WASF1: variants seen among roughly 807,000 people sequenced by gnomAD.
WASF1 encodes the protein WASP family member 1, also known as actin-binding protein WASF1.
A neutral mutation model predicts 50.5 loss-of-function variants in WASF1; 7 were observed. The ratio of observed to expected loss-of-function variants is 0.14; its 90% confidence interval spans 0.08 to 0.26. The LOEUF is 0.26. WASF1 is among the 10% of genes least tolerant of loss of function. The probability of loss-of-function intolerance (pLI) is 1.00; values close to 1 mark genes in which losing one functional copy is unlikely to be tolerated. For synonymous variants in WASF1, 205 were observed against 244.0 expected (o/e 0.84, Z 1.49); for missense variants, 470 against 694.7 (o/e 0.68, Z 3.64).
At chr6:110,158,936 T>C (rs1282952567) in intron 3 of WASF1, among the ~76,000 whole-genome samples, 1 of 151,816 alleles carries the variant, frequency 6.6e-6, no homozygotes, top group Non-Finnish European at 1.5e-5. Context: ...AGTTCTATTT[T>C]TCTATGCTAG....
At chr6:110,174,289 T>C (rs1240092690) in intron 2 of WASF1, among the ~76,000 whole-genome samples, 1 of 152,140 alleles carries the variant, frequency 6.6e-6, no homozygotes, top group Non-Finnish European at 1.5e-5. Flanking sequence ...CCAAAATTTC[T>C]AAGTACAAAT....
At chr6:110,123,501 G>C (rs760272578) in intron 4 of WASF1, among the ~76,000 whole-genome samples, 1 of 152,194 alleles carries the variant, frequency 6.6e-6, no homozygotes, top group African/African-American at 2.4e-5. Context: ...CAATTTAATA[G>C]ATAAGTCCTA....
At chr6:110,176,408 G>C (rs922943296) in intron 2 of WASF1, among the ~76,000 whole-genome samples, 1 of 151,594 alleles carries the variant, frequency 6.6e-6, no homozygotes, top group African/African-American at 2.4e-5. Flanking sequence ...ATAAATCAAA[G>C]ACTACTAACA....
intron 2 of WASF1, among the ~76,000 whole-genome samples, chr6:110,164,682 G>A (rs1473432420): frequency 2.6e-5 from 4 of 151,526 alleles, no homozygotes; most frequent in Admixed American, 2.6e-4. Context: ...ATACAATCCA[G>A]CAAAAACATT....
chr6:110,122,530 C>G (rs1774187122), intron 4 of WASF1, among the ~76,000 whole-genome samples: 1 of 152,196 alleles, frequency 6.6e-6, no homozygotes, highest in African/African-American at 2.4e-5. Context: ...CTCTCTGCCT[C>G]TGCTACTCCT....
At chr6:110,125,298 G>C (rs560538017) in intron 4 of WASF1, among the ~76,000 whole-genome samples, 2 of 152,194 alleles carry the variant, frequency 1.3e-5, no homozygotes, top group Non-Finnish European at 2.9e-5. Flanking sequence ...AATGTATAAG[G>C]ATATTTGCTT....
chr6:110,105,945 A>T (rs1166156325), intron 7 of WASF1, among the ~76,000 whole-genome samples: 3 of 152,206 alleles, frequency 2.0e-5, no homozygotes, highest in Admixed American at 6.5e-5. Context: ...GTCTGCCCCT[A>T]ATCAAAACGT....
intron 4 of WASF1, among the ~76,000 whole-genome samples, chr6:110,124,274 C>CTCTCTCTCTATA (rs1331534646): frequency 3.4e-4 from 7 of 20,504 alleles, no homozygotes; most frequent in Non-Finnish European, 4.6e-4. Flanking sequence ...CTCTCTCTCT[C>CTCTCTCTCTATA]TATATATATA....
intron 10 of WASF1, 55 bp from the exon 11 acceptor site, chr6:110,100,734 T>C: frequency 5.0e-6 from 7 of 1,413,386 alleles, no homozygotes; most frequent in Non-Finnish European, 6.5e-6. Flanking sequence ...ATACTAGATA[T>C]TATTAATATT....
At chr6:110,136,767 AGTTT>A (rs1243127971) in intron 3 of WASF1, among the ~76,000 whole-genome samples, 15 of 152,088 alleles carry the variant, frequency 9.9e-5, no homozygotes, top group Admixed American at 8.5e-4. Context: ...TCTTTAACTT[AGTTT>A]GTTAATATCT....
chr6:110,141,905 G>C (rs913270966), intron 3 of WASF1, among the ~76,000 whole-genome samples: 1 of 151,934 alleles, frequency 6.6e-6, no homozygotes, highest in Non-Finnish European at 1.5e-5. Context: ...CTGAGTAGCT[G>C]GGATTACAGG....
intron 2 of WASF1, among the ~76,000 whole-genome samples, chr6:110,166,036 A>C (rs974248831): frequency 2.0e-5 from 3 of 151,764 alleles, no homozygotes; most frequent in Non-Finnish European, 4.4e-5. Flanking sequence ...TTATATTTTA[A>C]AGATGTCAAG....
chr6:110,165,221 G>A (rs1776425740), intron 2 of WASF1, among the ~76,000 whole-genome samples: 1 of 151,636 alleles, frequency 6.6e-6, no homozygotes, highest in African/African-American at 2.4e-5. Context: ...AAGTTCATCA[G>A]TTGTAACAAA....
At chr6:110,150,182 A>G (rs1300385274) in intron 3 of WASF1, among the ~76,000 whole-genome samples, 1 of 152,222 alleles carries the variant, frequency 6.6e-6, no homozygotes, top group African/African-American at 2.4e-5. Flanking sequence ...TATTATGGTT[A>G]AAATATAGAA....
intron 3 of WASF1, among the ~76,000 whole-genome samples, chr6:110,154,011 A>G (rs891200647): frequency 6.6e-6 from 1 of 152,102 alleles, no homozygotes. Context: ...ATTTGGAGTG[A>G]AAAATTAGAG....
chr6:110,102,276 T>C (rs1231476402), intron 9 of WASF1, 60 bp from the exon 10 acceptor site: 1 of 1,336,276 alleles, frequency 7.5e-7, no homozygotes, highest in Non-Finnish European at 9.6e-7. Context: ...AGAGAAAATC[T>C]AACCACACAA....
chr6:110,141,855 T>TCCGCAACCC (rs1274085630), intron 3 of WASF1, among the ~76,000 whole-genome samples: 1 of 150,866 alleles, frequency 6.6e-6, no homozygotes, highest in Non-Finnish European at 1.5e-5. Context: ...CACTGCAACC[T>TCCGCAACCC]CCGCAACCCA....
chr6:110,154,274 G>T (rs1329684315), intron 3 of WASF1, among the ~76,000 whole-genome samples: 1 of 152,002 alleles, frequency 6.6e-6, no homozygotes, highest in East Asian at 1.9e-4. Flanking sequence ...CGATGTGAAT[G>T]AACACTCCTA....
chr6:110,102,262 C>A (rs772891762), intron 9 of WASF1, 46 bp from the exon 10 acceptor site: 1 of 1,347,506 alleles, frequency 7.4e-7, no homozygotes, highest in African/African-American at 1.5e-5. Flanking sequence ...AGAGAAAAGC[C>A]TAAAGAGAAA....
Sources: gnomAD v4.1 joint callset for allele counts (sites outside exome capture counted in the v4.1 genomes callset) on GRCh38, gnomAD v4.1.1 for gene constraint, MANE v1.5 for transcripts, NCBI Gene and HGNC (gene_info 2026-07-23, HGNC 2026-07-21) for gene names.